ARK2C: variants seen among roughly 807,000 people sequenced by gnomAD.
The protein encoded by ARK2C is E3 ubiquitin-protein ligase ARK2C.
the ARK2C span, among the ~76,000 whole-genome samples, chr18:46,364,836 C>G: frequency 6.6e-6 from 1 of 152,186 alleles, no homozygotes; most frequent in African/African-American, 2.4e-5. Flanking sequence ...GGCTCCTGCT[C>G]TCTGGGCAGG....
the ARK2C span, among the ~76,000 whole-genome samples, chr18:46,451,038 T>C: frequency 6.6e-6 from 1 of 152,216 alleles, no homozygotes; most frequent in South Asian, 2.1e-4. Context: ...TGGGTATCCG[T>C]GTGTGCATGT....
chr18:46,429,158 CT>C, the ARK2C span, among the ~76,000 whole-genome samples: 6 of 152,228 alleles, frequency 3.9e-5, no homozygotes, highest in Admixed American at 3.9e-4. Context: ...TATGGAAATC[CT>C]TGTGGGAATT....
chr18:46,433,634 T>C, the ARK2C span: 1 of 785,562 alleles, frequency 1.3e-6, no homozygotes, highest in African/African-American at 1.8e-5. Flanking sequence ...GGCTACAGGC[T>C]CCTAGACTCC....
chr18:46,337,201 G>C, the ARK2C span: 1 of 985,332 alleles, frequency 1.0e-6, no homozygotes, highest in Non-Finnish European at 1.2e-6. Flanking sequence ...CTGCCATTTG[G>C]CAATCTGAAA....
chr18:46,340,628 T>C, the ARK2C span, among the ~76,000 whole-genome samples: 1 of 152,090 alleles, frequency 6.6e-6, no homozygotes, highest in Admixed American at 6.5e-5. Flanking sequence ...CAGTCCAGGG[T>C]TTGAGTCCTA....
At chr18:46,380,150 G>T in the ARK2C span, among the ~76,000 whole-genome samples, 1 of 152,318 alleles carries the variant, frequency 6.6e-6, no homozygotes, top group Non-Finnish European at 1.5e-5. Flanking sequence ...CTCCATCTTC[G>T]TGTCTCTGCC....
chr18:46,437,807 T>A, the ARK2C span, among the ~76,000 whole-genome samples: 4 of 152,204 alleles, frequency 2.6e-5, no homozygotes, highest in Non-Finnish European at 4.4e-5. Context: ...CTAACTCTGC[T>A]CCCCATTGTG....
the ARK2C span, among the ~76,000 whole-genome samples, chr18:46,454,608 G>A: frequency 2.0e-5 from 3 of 152,176 alleles, no homozygotes; most frequent in African/African-American, 7.2e-5. Flanking sequence ...ACCAGACTCA[G>A]GATCTCCAGA....
At chr18:46,373,734 A>G in the ARK2C span, among the ~76,000 whole-genome samples, 299 of 152,278 alleles carry the variant, frequency 2.0e-3, 1 homozygote, top group African/African-American at 6.6e-3. Flanking sequence ...GGATCTCTGC[A>G]GGTGTGGGGG....
the ARK2C span, chr18:46,433,281 C>CAA: frequency 6.2e-7 from 1 of 1,611,024 alleles, no homozygotes. Flanking sequence ...TCGCTCCCGA[C>CAA]TTCCCGCTGG....
At chr18:46,437,801 C>T in the ARK2C span, among the ~76,000 whole-genome samples, 3 of 152,230 alleles carry the variant, frequency 2.0e-5, no homozygotes, top group African/African-American at 4.8e-5. Flanking sequence ...TCAGTTCTAA[C>T]TCTGCTCCCC....
At chr18:46,433,542 G>A in the ARK2C span, 1 of 1,546,190 alleles carries the variant, frequency 6.5e-7, no homozygotes. Flanking sequence ...GGACCCGGAT[G>A]GGGTCGGGTG....
chr18:46,426,733 C>T, the ARK2C span, among the ~76,000 whole-genome samples: 6 of 152,122 alleles, frequency 3.9e-5, no homozygotes, highest in African/African-American at 1.4e-4. Context: ...TCTGGGAGAC[C>T]CTTCTTTCTC....
the ARK2C span, among the ~76,000 whole-genome samples, chr18:46,451,853 T>C: frequency 1.3e-5 from 2 of 152,228 alleles, no homozygotes; most frequent in Admixed American, 6.5e-5. Flanking sequence ...AAAGACATGT[T>C]GGAAGCAGAA....
chr18:46,334,366 G>T, the ARK2C span: 153 of 1,572,016 alleles, frequency 9.7e-5, no homozygotes, highest in Non-Finnish European at 1.3e-4. The surrounding 1 kb of genome is among the most constrained non-coding windows in gnomAD (Gnocchi z 4.4). Context: ...GGTCTGCTTC[G>T]GAGCGTGGAT....
the ARK2C span, among the ~76,000 whole-genome samples, chr18:46,423,801 T>C: frequency 2.0e-5 from 3 of 152,228 alleles, no homozygotes; most frequent in African/African-American, 7.2e-5. Context: ...AGCTAGGATA[T>C]TGGAGGATTC....
At chr18:46,403,377 A>AG in the ARK2C span, among the ~76,000 whole-genome samples, 2 of 151,938 alleles carry the variant, frequency 1.3e-5, no homozygotes, top group African/African-American at 4.8e-5. Context: ...GCCCCCGGAG[A>AG]GAGCCCTCCC....
At chr18:46,448,351 A>G in the ARK2C span, among the ~76,000 whole-genome samples, 4 of 151,478 alleles carry the variant, frequency 2.6e-5, no homozygotes, top group African/African-American at 9.7e-5. Flanking sequence ...TCCTATTCAC[A>G]CTCTGGCTTT....
At chr18:46,342,201 T>A in the ARK2C span, among the ~76,000 whole-genome samples, 1 of 152,174 alleles carries the variant, frequency 6.6e-6, no homozygotes, top group African/African-American at 2.4e-5. Flanking sequence ...CCTGACTAGC[T>A]AGTAAATGGC....
Sources: gnomAD v4.1 joint callset for allele counts (sites outside exome capture counted in the v4.1 genomes callset) on GRCh38, gnomAD v4.1.1 for gene constraint, Gnocchi (gnomAD v3.1) non-coding constraint, MANE v1.5 for transcripts, NCBI Gene and HGNC (gene_info 2026-07-23, HGNC 2026-07-21) for gene names.